Variants in DENND1C observed in about 807,000 individuals in gnomAD.
DENND1C encodes DENN domain-containing protein 1C.
A neutral mutation model predicts 87.9 loss-of-function variants in DENND1C; 64 were observed. The ratio of observed to expected loss-of-function variants is 0.73; its 90% CI spans 0.60 to 0.90. The LOEUF (loss-of-function observed/expected upper bound fraction) is 0.90, where lower values mean the gene tolerates loss of function less well. Among genes scored for constraint, DENND1C ranks in the 40% least tolerant of loss-of-function variants. The probability of loss-of-function intolerance (pLI) is 0.00; values close to 1 mark genes in which losing one functional copy is unlikely to be tolerated. For missense variants in DENND1C, 980 were observed against 1,037.0 expected, an observed-to-expected ratio of 0.95 and a Z score of 0.76; for synonymous variants, 384 against 424.4, an observed-to-expected ratio of 0.90 and a Z score of 1.17.
intron 10 of DENND1C, chr19:6,476,587 G>T: frequency 2.3e-6 from 1 of 430,476 alleles, no homozygotes. Flanking sequence ...GTGTCCCTGA[G>T]GGTCCGGAGG....
chr19:6,478,778 C>T lies in DENND1C; in HGVS notation c.366+5G>A, dbSNP rs895352252. 2.5e-6 allele frequency: 4 copies of T among 1,610,654 alleles called. No individual in the cohort carries two copies. In the African/African-American group the frequency reaches 4.0e-5, roughly 16 times the overall value. Reference sequence around the variant, plus strand: ...CCACAGGAGTGAGAGAGGGGCTGGTCTCACTTGGTCCTGGGCTAGGAGGTC... The same window carrying T: ...CCACAGGAGTGAGAGAGGGGCTGGTTTCACTTGGTCCTGGGCTAGGAGGTC... On this transcript the variant is annotated splice_donor_5th_base_variant and intron_variant, in intron 6 of 22. Transcript: ENST00000381480.
At chr19:6,476,802 C>T in intron 10 of DENND1C, 55 bp downstream of exon 10, 3 of 1,549,568 alleles carry the variant, frequency 1.9e-6, no homozygotes, top group Non-Finnish European at 8.7e-7. Context: ...TTGTCCCGCC[C>T]CCCGGGGCGG....
Position 6,469,674 on chromosome 19 carries a change from T to C in DENND1C, c.1363-34A>G. On this transcript the variant is annotated intron_variant, in intron 18 of 22. Coordinates refer to ENST00000381480, the MANE Select transcript of DENND1C (RefSeq NM_024898.4). ...GAGTGGACAGAGAATTACCCAAGGG[T>C]GGTGGGATCCTGGGCATTTGAGAGC... 1.9e-6 allele frequency: 3 copies of C among 1,588,358 alleles called. No homozygotes were observed. The African/African-American group carries it at 4.0e-5, about 21-fold the overall frequency.
Position 6,476,974 on chromosome 19 carries a change from A to G in DENND1C, c.568-7T>C. ...CCAGCTCCGTTAGGTTCCTCTGAGG[A>G]TCAGAGAGTCGCTCTGGGCGTGGAC... On this transcript the variant is annotated splice_polypyrimidine_tract_variant and splice_region_variant and intron_variant, in intron 9 of 22. Transcript: ENST00000381480. 1 of 1,613,516 alleles carries G rather than the reference A, an allele frequency of 6.2e-7. No homozygotes were observed. The highest frequency in any genetic ancestry group is 8.5e-7 in the Non-Finnish European group (1 of 1,179,724).
At chr19:6,473,816 G>GGGGGGGGGGGGGGGGGGA (rs1231177042) in intron 14 of DENND1C, among the ~76,000 whole-genome samples, 20 of 131,562 alleles carry the variant, frequency 1.5e-4, no homozygotes, top group Non-Finnish European at 2.6e-4. Context: ...GGGGGGTGGG[G>GGGGGGGGGGGGGGGGGGA]GGAGGGAAAT....
rs565868127 is a variant in DENND1C, at chr19:6,475,259, G to A, written c.1053+15C>T. The A allele has an allele frequency of 6.8e-6, 11 of 1,612,530 alleles. No homozygotes were observed. The highest frequency in any genetic ancestry group is 2.7e-5 in the African/African-American group (2 of 75,050). ...GAACCCACGAGACCTCTCCCGCAGC[G>A]TCCCCGCTGCTCACCGGGCTGCAGA... On this transcript the variant is annotated intron_variant, in intron 14 of 22. Transcript: ENST00000381480.
rs778470389 is a variant in DENND1C at position 6,477,269 on chromosome 19, C to T, written c.462G>A (p.Thr154=). 1.3e-6 allele frequency: 2 copies of T among 1,586,608 alleles called. No individual in the cohort carries two copies. The highest frequency in any genetic ancestry group is 1.3e-5 in the African/African-American group (1 of 74,236). The stretch of plus-strand genomic sequence containing the variant: ...GGGGGATACCCTGCCCGCTGGAGAC[C>T]GTCACTCCGCTGCCCTGGGGAAGAG... ...SVGLELGSGV[T]VSSGQGIPPP... Residue 154 remains threonine, a synonymous_variant, in exon 8 of 23, where the codon ACG becomes ACA. Transcript: ENST00000381480.
intron 18 of DENND1C, chr19:6,470,062 T>TGG: frequency 5.3e-6 from 2 of 379,276 alleles, no homozygotes; most frequent in Non-Finnish European, 9.2e-6. Context: ...AAAGGGGCCG[T>TGG]GGGCGGGGCG....
rs566785507 is a variant in DENND1C, at chr19:6,469,243, C to G, written c.1408-290G>C. ...ATGGGGTTTCACCATGTTGGTCGGGCTGGTCTAGAACTCCTGACCTCAAGT... is the reference window on the plus strand; with the variant it reads ...ATGGGGTTTCACCATGTTGGTCGGGGTGGTCTAGAACTCCTGACCTCAAGT... On this transcript the variant is annotated intron_variant, in intron 19 of 22. Coordinates refer to ENST00000381480, the MANE Select transcript of DENND1C (RefSeq NM_024898.4). 5.9e-5 allele frequency among the ~76,000 whole-genome samples: 9 copies of G among 152,154 alleles called. No individual in the cohort carries two copies. The South Asian group carries it at 1.5e-3, about 25-fold the overall frequency.
Position 6,475,194 on chromosome 19 carries a change from G to GC in DENND1C, c.1053+79dup, listed in dbSNP as rs2092851286. 6 of 1,594,128 alleles carry GC rather than the reference G, an allele frequency of 3.8e-6. No individual in the cohort carries two copies. The Admixed American group carries it at 1.0e-4, about 27-fold the overall frequency. Reference sequence around the variant, plus strand: ...TTACAGGCGTGAGCCACTGCGTCCGGCCATCTACTGTACCTATCGTTACAT... The same window carrying GC: ...TTACAGGCGTGAGCCACTGCGTCCGGCCCATCTACTGTACCTATCGTTACAT... On this transcript the variant is annotated intron_variant, in intron 14 of 22. Coordinates refer to ENST00000381480, the MANE Select transcript of DENND1C (RefSeq NM_024898.4).
At chr19:6,480,603 T>G (rs1307024071) in intron 1 of DENND1C, 2 of 416,928 alleles carry the variant, frequency 4.8e-6, no homozygotes, top group Non-Finnish European at 6.3e-6. Context: ...TCTATCTATC[T>G]ATCTATCTAT....
rs1294269336 is a variant in DENND1C, at chr19:6,480,054, G to T, written c.18-3C>A. ...CAAACACAGCAGGGGAGCCCCCTCT[G>T]TGGGATGCAGAAGGGGTCCAGAGAC... On this transcript the variant is annotated splice_polypyrimidine_tract_variant and splice_region_variant and intron_variant, in intron 1 of 22. Transcript: ENST00000381480. 2 of 1,605,144 alleles carry T rather than the reference G, an allele frequency of 1.2e-6. No homozygotes were observed. The highest frequency in any genetic ancestry group is 1.7e-6 in the Non-Finnish European group (2 of 1,176,722).
chr19:6,469,383 A>G, intron 19 of DENND1C: 1 of 569,190 alleles, frequency 1.8e-6, no homozygotes, highest in Non-Finnish European at 3.2e-6. Flanking sequence ...GCTGGTGTAC[A>G]GTGGCGCTAT....
chr19:6,480,028 TCAAACACAG>T lies in DENND1C; in HGVS notation c.32_40del (p.Ala11_Phe13del). Reference sequence around the variant, plus strand: ...AGGGCAGGCCGCTTCGAAGAACCAATCAAACACAGCAGGGGAGCCCCCTCTGTGGGATGC... The same window carrying T: ...AGGGCAGGCCGCTTCGAAGAACCAATCAGGGGAGCCCCCTCTGTGGGATGC... On this transcript the variant is annotated inframe_deletion, in exon 2 of 23. Coordinates refer to ENST00000381480, the MANE Select transcript of DENND1C (RefSeq NM_024898.4). The T allele has an allele frequency of 6.8e-7, 1 of 1,476,836 alleles. No homozygotes were observed. The highest frequency in any genetic ancestry group is 3.0e-5 in the East Asian group (1 of 33,260). 91.5% of individuals were successfully genotyped at this position (1,476,836 alleles called of 1,614,324 possible).
At position 6,468,595 on chromosome 19, in the gene DENND1C, G is replaced by C. The variant is rs563140687; in HGVS notation, c.1566C>G (p.Ser522=). Residue 522 remains serine, a synonymous_variant, in exon 21 of 23, where the codon TCC becomes TCG. Transcript: ENST00000381480. ...TGCCTTACCCCGCCCCTGGGGGCTC[G>C]GAAGTTCCCTCTTCCAGCTGGCGTC... ...SRRRQLEEGT[S]EPPGAGTPPL... The C allele has an allele frequency of 2.0e-6, 3 of 1,526,648 alleles. No homozygotes were observed. The highest frequency in any genetic ancestry group is 2.6e-6 in the Non-Finnish European group (3 of 1,139,314). The allele number at this position is 1,526,648 out of a possible 1,614,324, so 94.6% of individuals were successfully genotyped here.
intron 6 of DENND1C, 148 bp from the exon 7 acceptor site, chr19:6,477,606 T>TTAATAATAATAA (rs59685749): frequency 0.21 from 38,815 of 182,716 alleles, 6,304 homozygotes; most frequent in Non-Finnish European, 0.29. Flanking sequence ...TTAAAAGAAA[T>TTAATAATAATAA]TAATAATAAT....
intron 17 of DENND1C, among the ~76,000 whole-genome samples, chr19:6,470,763 A>C (rs551454201): frequency 2.0e-5 from 3 of 151,100 alleles, no homozygotes; most frequent in Non-Finnish European, 2.9e-5. Context: ...CTGGGACTAC[A>C]GGCGCCTGCC....
rs377322216 is a variant in DENND1C at position 6,468,162 on chromosome 19, G to A, written c.1792-44C>T. The A allele has an allele frequency of 1.9e-6, 3 of 1,610,378 alleles. No individual in the cohort carries two copies. The African/African-American group carries it at 4.0e-5, about 22-fold the overall frequency. ...GAAGTTGTGGCTTTTAGATGGCAGA[G>A]GGGCTGGCAAGTTGGATGGACCATT... On this transcript the variant is annotated intron_variant, in intron 22 of 22. Transcript: ENST00000381480.
chr19:6,472,581 G>C (rs911554778), intron 15 of DENND1C, among the ~76,000 whole-genome samples: 4 of 152,170 alleles, frequency 2.6e-5, no homozygotes, highest in Admixed American at 6.5e-5. Flanking sequence ...AGTAGAGATG[G>C]GGTTTCACCA....
Sources: allele counts gnomAD v4.1 joint callset (sites outside exome capture counted in the v4.1 genomes callset), GRCh38; gene constraint gnomAD v4.1.1; transcripts MANE v1.5; gene names NCBI Gene and HGNC (gene_info 2026-07-23, HGNC 2026-07-21).